GARIN2: variants seen among roughly 807,000 people sequenced by gnomAD.
GARIN2 encodes the protein golgi associated RAB2 interactor family member 2.
At chr14:67,222,085 C>T in the GARIN2 span, 1 of 375,914 alleles carries the variant, frequency 2.7e-6, no homozygotes, top group African/African-American at 2.1e-5. Flanking sequence ...TTCCCTGTAT[C>T]TAAATCATCA....
chr14:67,192,561 T>C, the GARIN2 span, among the ~76,000 whole-genome samples: 10 of 151,820 alleles, frequency 6.6e-5, no homozygotes, highest in Non-Finnish European at 1.3e-4. Flanking sequence ...AAGGAGCTTA[T>C]CAGGAGAGAA....
At chr14:67,223,732 T>C in the GARIN2 span, 1 of 983,542 alleles carries the variant, frequency 1.0e-6, no homozygotes, top group Non-Finnish European at 1.2e-6. Flanking sequence ...TCCCATGTTT[T>C]CCCACTTTTT....
the GARIN2 span, chr14:67,204,710 A>G: frequency 6.2e-7 from 1 of 1,613,888 alleles, no homozygotes; most frequent in Non-Finnish European, 8.5e-7. Flanking sequence ...AATCAGGAGA[A>G]AGCCAAAGTT....
the GARIN2 span, among the ~76,000 whole-genome samples, chr14:67,200,939 G>A: frequency 2.0e-5 from 3 of 152,134 alleles, no homozygotes; most frequent in African/African-American, 7.2e-5. Context: ...AACCCCACCT[G>A]GTTAGCATGT....
chr14:67,215,107 G>C, the GARIN2 span, among the ~76,000 whole-genome samples: 1 of 152,144 alleles, frequency 6.6e-6, no homozygotes, highest in African/African-American at 2.4e-5. Flanking sequence ...TGCACACTCA[G>C]ATTTGAGAAC....
chr14:67,201,490 A>C, the GARIN2 span: 1 of 455,974 alleles, frequency 2.2e-6, no homozygotes, highest in African/African-American at 2.0e-5. Context: ...GCAGTAGAAG[A>C]TATTCATCTC....
At chr14:67,201,464 ACAATGATAGCTGC>A in the GARIN2 span, 2 of 455,918 alleles carry the variant, frequency 4.4e-6, no homozygotes, top group East Asian at 1.4e-4. Context: ...TCTAAACAGG[ACAATGATAGCTGC>A]CAGCAGTAGA....
the GARIN2 span, among the ~76,000 whole-genome samples, chr14:67,214,612 T>A: frequency 6.6e-6 from 1 of 152,178 alleles, no homozygotes; most frequent in Non-Finnish European, 1.5e-5. Context: ...TGCCTCCAGC[T>A]TTGTTCTTTT....
the GARIN2 span, chr14:67,224,112 C>A: frequency 1.5e-6 from 1 of 674,456 alleles, no homozygotes; most frequent in Non-Finnish European, 1.8e-6. Flanking sequence ...CAGCAGTTTG[C>A]GAAAGTTAAA....
the GARIN2 span, chr14:67,223,714 C>G: frequency 1.0e-6 from 1 of 979,230 alleles, no homozygotes; most frequent in Non-Finnish European, 1.2e-6. Flanking sequence ...TTTCTTTCCA[C>G]CTTTTTCTCC....
chr14:67,211,817 C>A, the GARIN2 span, among the ~76,000 whole-genome samples: 1 of 152,024 alleles, frequency 6.6e-6, no homozygotes. Flanking sequence ...GCACTCCAGC[C>A]CGGGTGATGG....
chr14:67,192,922 G>C, the GARIN2 span, among the ~76,000 whole-genome samples: 3 of 142,052 alleles, frequency 2.1e-5, no homozygotes, highest in Non-Finnish European at 4.6e-5. Flanking sequence ...AGATATATAT[G>C]TATATATAGA....
At chr14:67,211,072 A>G in the GARIN2 span, among the ~76,000 whole-genome samples, 2 of 152,234 alleles carry the variant, frequency 1.3e-5, no homozygotes, top group East Asian at 3.9e-4. Context: ...TCTCTATCTC[A>G]TTAGCTCTAT....
At chr14:67,222,083 A>G in the GARIN2 span, 1 of 377,152 alleles carries the variant, frequency 2.7e-6, no homozygotes, top group Admixed American at 4.4e-5. Flanking sequence ...AGTTCCCTGT[A>G]TCTAAATCAT....
the GARIN2 span, chr14:67,189,677 A>C: frequency 6.6e-6 from 1 of 151,962 alleles, no homozygotes; most frequent in Non-Finnish European, 1.5e-5. Context: ...ATTTTTTTCC[A>C]TCTTCCTCTT....
At chr14:67,220,300 G>T in the GARIN2 span, among the ~76,000 whole-genome samples, 1 of 151,870 alleles carries the variant, frequency 6.6e-6, no homozygotes, top group Admixed American at 6.5e-5. Context: ...AAAGTTATCT[G>T]GGCGTGGTAG....
At chr14:67,210,939 G>T in the GARIN2 span, among the ~76,000 whole-genome samples, 1 of 152,128 alleles carries the variant, frequency 6.6e-6, no homozygotes, top group South Asian at 2.1e-4. Flanking sequence ...GGTGGAGGTT[G>T]CAGTGAGCTG....
the GARIN2 span, chr14:67,203,390 G>A: frequency 9.8e-7 from 1 of 1,022,200 alleles, no homozygotes; most frequent in Non-Finnish European, 1.4e-6. Context: ...TGCGCCAGTG[G>A]AGCATGTTAC....
the GARIN2 span, among the ~76,000 whole-genome samples, chr14:67,193,514 T>C: frequency 6.9e-6 from 1 of 144,474 alleles, no homozygotes. Context: ...TCCATATATA[T>C]ATATCTAGAT....
Sources: gnomAD v4.1 joint callset for allele counts (sites outside exome capture counted in the v4.1 genomes callset) on GRCh38, gnomAD v4.1.1 for gene constraint, MANE v1.5 for transcripts, NCBI Gene and HGNC (gene_info 2026-07-23, HGNC 2026-07-21) for gene names.